Variants in UBE2QL1 observed in about 807,000 individuals in gnomAD.
UBE2QL1 encodes the protein ubiquitin-conjugating enzyme E2Q-like protein 1.
In UBE2QL1, 5 loss-of-function variants were observed where a neutral mutation model predicts 12.6. The ratio of observed to expected loss-of-function variants is 0.40; its 90% CI spans 0.21 to 0.83. The LOEUF (loss-of-function observed/expected upper bound fraction) is 0.83, where lower values mean the gene tolerates loss of function less well. Ranked by LOEUF, UBE2QL1 falls within the 40% of genes least tolerant of loss-of-function variation. The probability of loss-of-function intolerance (pLI) is 0.37; values close to 1 mark genes in which losing one functional copy is unlikely to be tolerated. For missense variants in UBE2QL1, 99 were observed against 222.6 expected (o/e 0.44, Z 3.53); for synonymous variants, 96 against 94.5 (o/e 1.02, Z -0.10).
At chr5:6,458,091 C>T (rs1039138479) in intron 1 of UBE2QL1, among the ~76,000 whole-genome samples, 1 of 152,186 alleles carries the variant, frequency 6.6e-6, no homozygotes, top group Admixed American at 6.5e-5. Flanking sequence ...AAGGGAAAGG[C>T]ATTTTAGAGA....
At chr5:6,455,914 G>A (rs1158500618) in intron 1 of UBE2QL1, among the ~76,000 whole-genome samples, 6 of 152,154 alleles carry the variant, frequency 3.9e-5, no homozygotes, top group Non-Finnish European at 7.3e-5. Context: ...CCTAAAGCCA[G>A]CCTTCCTCCC....
intron 1 of UBE2QL1, among the ~76,000 whole-genome samples, chr5:6,474,603 C>A (rs1349701758): frequency 6.6e-6 from 1 of 152,200 alleles, no homozygotes; most frequent in Non-Finnish European, 1.5e-5. Context: ...CTGCGTGGGA[C>A]ACATTTTGGA....
chr5:6,449,388 C>CG, intron 1 of UBE2QL1, 141 bp downstream of exon 1: 1 of 804,784 alleles, frequency 1.2e-6, no homozygotes, highest in Non-Finnish European at 1.7e-6. Flanking sequence ...CAGCGCCCCA[C>CG]GGGGATGCTC....
At chr5:6,452,424 C>T (rs1739429127) in intron 1 of UBE2QL1, among the ~76,000 whole-genome samples, 1 of 152,066 alleles carries the variant, frequency 6.6e-6, no homozygotes, top group African/African-American at 2.4e-5. Context: ...TATTACTAAA[C>T]CCTCTTTTGA....
intron 1 of UBE2QL1, among the ~76,000 whole-genome samples, chr5:6,456,783 T>A (rs1739535863): frequency 6.6e-6 from 1 of 152,076 alleles, no homozygotes; most frequent in East Asian, 1.9e-4. Flanking sequence ...AGAGCAGATT[T>A]GGGACCAATC....
At chr5:6,457,147 C>T (rs1003619025) in intron 1 of UBE2QL1, among the ~76,000 whole-genome samples, 1 of 151,942 alleles carries the variant, frequency 6.6e-6, no homozygotes, top group Admixed American at 6.6e-5. Context: ...GCTCAAGTTT[C>T]CCAGCACTGT....
intron 1 of UBE2QL1, among the ~76,000 whole-genome samples, chr5:6,459,956 G>A (rs1739615915): frequency 6.6e-6 from 1 of 152,154 alleles, no homozygotes; most frequent in Non-Finnish European, 1.5e-5. Flanking sequence ...CCCAGGTTAA[G>A]AACTCGAGGT....
chr5:6,453,709 GCACACA>G (rs3073837), intron 1 of UBE2QL1, among the ~76,000 whole-genome samples: 34,757 of 150,436 alleles, frequency 0.23, 4,348 homozygotes, highest in Middle Eastern at 0.29. Flanking sequence ...ACACACATGT[GCACACA>G]CACACACACA....
At chr5:6,471,364 G>T (rs555290091) in intron 1 of UBE2QL1, among the ~76,000 whole-genome samples, 1 of 152,334 alleles carries the variant, frequency 6.6e-6, no homozygotes, top group Non-Finnish European at 1.5e-5. Context: ...TCATAGAGCT[G>T]CAGGGGAACT....
chr5:6,458,937 G>A (rs1333959815), intron 1 of UBE2QL1, among the ~76,000 whole-genome samples: 1 of 152,140 alleles, frequency 6.6e-6, no homozygotes, highest in Non-Finnish European at 1.5e-5. Context: ...CAGCGCACAT[G>A]TGCCTGCGTC....
At chr5:6,482,022 G>A (rs143785196) in intron 1 of UBE2QL1, among the ~76,000 whole-genome samples, 2 of 152,350 alleles carry the variant, frequency 1.3e-5, no homozygotes, top group East Asian at 1.9e-4. Flanking sequence ...TGAGTTGAGA[G>A]GAGGTCTTGC....
chr5:6,449,231 G>C lies in UBE2QL1; in HGVS notation c.338G>C (p.Ser113Thr), dbSNP rs1331166089. 1.4e-6 allele frequency: 2 copies of C among 1,452,858 alleles called. No individual in the cohort carries two copies. The highest frequency in any genetic ancestry group is 4.6e-5 in the Admixed American group (2 of 43,746). 90.0% of individuals were successfully genotyped at this position (1,452,858 alleles called of 1,614,324 possible). Residue 113 changes from serine (S) to threonine (T), a missense_variant, in exon 1 of 2, where the codon AGC becomes ACC. Coordinates refer to ENST00000399816, the MANE Select transcript of UBE2QL1 (RefSeq NM_001145161.3). ...VEAVMRQFAA[S>T]LVKGQGRICR... ...GCCGTCATGCGCCAGTTCGCAGCCA[G>C]CCTGGTCAAGGGCCAGGTAAGGCGA...
At chr5:6,480,063 G>A (rs1734328053) in intron 1 of UBE2QL1, among the ~76,000 whole-genome samples, 1 of 152,216 alleles carries the variant, frequency 6.6e-6, no homozygotes. Context: ...AGCCAGGCGG[G>A]TCACTTTTTT....
chr5:6,491,427 A>T lies in UBE2QL1; in HGVS notation c.*78A>T. 6.9e-7 allele frequency: 1 copy of T among 1,441,644 alleles called. No homozygotes were observed. Among genetic ancestry groups the T allele is most frequent in the Non-Finnish European group, 9.1e-7 (1 of 1,096,070 alleles). The allele number at this position is 1,441,644 out of a possible 1,614,324, so 89.3% of individuals were successfully genotyped here. A position where few individuals can be genotyped will look rare whatever the true frequency, so the allele number is the denominator to read the frequency against. ...CCCTGACATCTCCTCAATGCTGTGC[A>T]TCCTCCACCCGTTTTTACTCCAGCC... On this transcript the variant is annotated 3_prime_UTR_variant, in exon 2 of 2. Transcript: ENST00000399816.
chr5:6,453,438 A>G (rs576287514), intron 1 of UBE2QL1, among the ~76,000 whole-genome samples: 1 of 152,330 alleles, frequency 6.6e-6, no homozygotes, highest in African/African-American at 2.4e-5. Flanking sequence ...AGCCATCCGC[A>G]AAAGATTCAC....
At chr5:6,468,690 C>T (rs996263683) in intron 1 of UBE2QL1, among the ~76,000 whole-genome samples, 1 of 152,156 alleles carries the variant, frequency 6.6e-6, no homozygotes, top group Non-Finnish European at 1.5e-5. Flanking sequence ...TTTCTGAAAG[C>T]CTTCAATTCT....
chr5:6,466,045 T>C (rs1369775186), intron 1 of UBE2QL1, among the ~76,000 whole-genome samples: 2 of 151,620 alleles, frequency 1.3e-5, no homozygotes, highest in African/African-American at 4.9e-5. Flanking sequence ...TGCCCCTCCC[T>C]CTTCCTTCCC....
intron 1 of UBE2QL1, among the ~76,000 whole-genome samples, chr5:6,451,135 G>A (rs1423348040): frequency 6.6e-6 from 1 of 152,160 alleles, no homozygotes; most frequent in Non-Finnish European, 1.5e-5. Context: ...ATTCCCTTCT[G>A]GGATCACAGA....
At chr5:6,482,655 ATT>A (rs2126366678) in intron 1 of UBE2QL1, among the ~76,000 whole-genome samples, 2 of 152,284 alleles carry the variant, frequency 1.3e-5, no homozygotes, top group African/African-American at 4.8e-5. Context: ...AGGCAGAGAC[ATT>A]TTTGGTTGCC....
Sources: allele counts gnomAD v4.1 joint callset (sites outside exome capture counted in the v4.1 genomes callset), GRCh38; gene constraint gnomAD v4.1.1; transcripts MANE v1.5; gene names NCBI Gene and HGNC (gene_info 2026-07-23, HGNC 2026-07-21).